CSNK1G1: variants seen among roughly 807,000 people sequenced by gnomAD.
CSNK1G1 encodes the protein casein kinase 1 gamma 1.
CSNK1G1 carries 22 observed loss-of-function variants against 59.6 expected under a neutral mutation model. The ratio of observed to expected loss-of-function variants is 0.37; its 90% CI spans 0.26 to 0.53. The LOEUF (loss-of-function observed/expected upper bound fraction) is 0.53, where lower values mean the gene tolerates loss of function less well. Among genes scored for constraint, CSNK1G1 ranks in the 20% least tolerant of loss-of-function variants. The probability of loss-of-function intolerance (pLI) is 0.89; values close to 1 mark genes in which losing one functional copy is unlikely to be tolerated. For missense variants in CSNK1G1, 384 were observed against 519.5 expected, an observed-to-expected ratio of 0.74 and a Z score of 2.54; for synonymous variants, 179 against 177.1, an observed-to-expected ratio of 1.01 and a Z score of -0.08.
chr15:64,170,875 T>A lies in CSNK1G1; in HGVS notation c.*1056A>T, dbSNP rs2081656139. On this transcript the variant is annotated 3_prime_UTR_variant, in exon 12 of 12. Transcript: ENST00000303052. ...TCTGGAGAGCTAGGTTTTCAAACTGTAAGCTGATTAGGTCAAGATGCTCTG... is the reference window on the plus strand; with the variant it reads ...TCTGGAGAGCTAGGTTTTCAAACTGAAAGCTGATTAGGTCAAGATGCTCTG... The A allele has an allele frequency of 6.6e-6, 1 of 152,600 alleles. No homozygotes were observed. Among genetic ancestry groups the A allele is most frequent in the Non-Finnish European group, 1.5e-5 (1 of 68,020 alleles). 9.5% of individuals were successfully genotyped at this position (152,600 alleles called of 1,614,324 possible).
At chr15:64,244,364 A>G (rs1200929217) in intron 4 of CSNK1G1, among the ~76,000 whole-genome samples, 2 of 143,116 alleles carry the variant, frequency 1.4e-5, no homozygotes, top group Non-Finnish European at 3.0e-5. Flanking sequence ...AAACTGAAAA[A>G]TTAAAAAAAA....
At chr15:64,280,841 T>C (rs1444473539) in intron 2 of CSNK1G1, among the ~76,000 whole-genome samples, 1 of 152,160 alleles carries the variant, frequency 6.6e-6, no homozygotes, top group African/African-American at 2.4e-5. Flanking sequence ...ATATGATATA[T>C]ACATACAATG....
chr15:64,318,002 G>A (rs1896364433), intron 1 of CSNK1G1, among the ~76,000 whole-genome samples: 2 of 152,148 alleles, frequency 1.3e-5, no homozygotes, highest in South Asian at 2.1e-4. Flanking sequence ...AAAGGATTTC[G>A]AGACTGCTGC....
intron 1 of CSNK1G1, among the ~76,000 whole-genome samples, chr15:64,351,828 GAGCCTGGGCACTCC>G (rs1898305622): frequency 6.6e-6 from 1 of 152,148 alleles, no homozygotes; most frequent in African/African-American, 2.4e-5. Context: ...GCAGTAAGCT[GAGCCTGGGCACTCC>G]AGCCTGGGTA....
chr15:64,226,386 C>T (rs1009606376), intron 4 of CSNK1G1, among the ~76,000 whole-genome samples: 9 of 151,944 alleles, frequency 5.9e-5, no homozygotes, highest in African/African-American at 1.7e-4. Context: ...GGAGAAACCC[C>T]GTCTCTACTA....
At chr15:64,237,346 C>A (rs569211395) in intron 4 of CSNK1G1, among the ~76,000 whole-genome samples, 2 of 152,192 alleles carry the variant, frequency 1.3e-5, no homozygotes, top group South Asian at 2.1e-4. Flanking sequence ...GGCAGAGAGA[C>A]CTGAAAAATT....
intron 1 of CSNK1G1, among the ~76,000 whole-genome samples, chr15:64,312,050 G>T (rs1054218653): frequency 6.6e-6 from 1 of 152,102 alleles, no homozygotes; most frequent in African/African-American, 2.4e-5. Context: ...CAACTTATAA[G>T]GGATGTGAAG....
rs894589615 is a variant in CSNK1G1, at chr15:64,300,572, T to C, written c.-73A>G. 4 of 1,478,720 alleles carry C rather than the reference T, an allele frequency of 2.7e-6. No homozygotes were observed. In the African/African-American group the frequency reaches 5.6e-5, roughly 21 times the overall value. 91.6% of individuals were successfully genotyped at this position (1,478,720 alleles called of 1,614,324 possible). A position where few individuals can be genotyped will look rare whatever the true frequency, so the allele number is the denominator to read the frequency against. On this transcript the variant is annotated 5_prime_UTR_variant, in exon 2 of 12. The change creates a new upstream start codon in the 5' untranslated region. Transcript: ENST00000303052. ...TGTATACCTCTCTTCAATACAAAAG[T>C]ATGTCCAAATAAATTGTAGTCAGAG...
chr15:64,259,077 A>G, intron 3 of CSNK1G1, 124 bp downstream of exon 3: 1 of 700,066 alleles, frequency 1.4e-6, no homozygotes, highest in Non-Finnish European at 2.4e-6. Context: ...ATGTGGGATC[A>G]TACACAAAAA....
At chr15:64,215,190 A>C (rs1463510962) in intron 5 of CSNK1G1, among the ~76,000 whole-genome samples, 1 of 150,024 alleles carries the variant, frequency 6.7e-6, no homozygotes, top group Non-Finnish European at 1.5e-5. Flanking sequence ...CTATCTACTA[A>C]GCTTTTCTAC....
chr15:64,218,464 C>T (rs1374816632), intron 4 of CSNK1G1, among the ~76,000 whole-genome samples: 1 of 151,836 alleles, frequency 6.6e-6, no homozygotes, highest in African/African-American at 2.4e-5. Context: ...GCAATCTTGG[C>T]CCACTGTAAC....
intron 1 of CSNK1G1, among the ~76,000 whole-genome samples, chr15:64,325,504 C>T (rs552616328): frequency 1.3e-5 from 2 of 152,126 alleles, no homozygotes; most frequent in South Asian, 4.1e-4. Context: ...AACTCATAGC[C>T]CCAGAATCAC....
At chr15:64,277,866 TTAA>T (rs757166227) in intron 2 of CSNK1G1, among the ~76,000 whole-genome samples, 80 of 141,146 alleles carry the variant, frequency 5.7e-4, no homozygotes, top group East Asian at 2.6e-3. Context: ...ATTGATATAT[TTAA>T]TAATAATATT....
chr15:64,278,299 G>A (rs549153198), intron 2 of CSNK1G1, among the ~76,000 whole-genome samples: 29 of 151,322 alleles, frequency 1.9e-4, no homozygotes, highest in African/African-American at 3.4e-4. Context: ...CACCCGCCTC[G>A]GCCTCCCAAA....
chr15:64,282,330 G>C (rs1342416530), intron 2 of CSNK1G1, among the ~76,000 whole-genome samples: 1 of 151,898 alleles, frequency 6.6e-6, no homozygotes, highest in Non-Finnish European at 1.5e-5. Flanking sequence ...ACAGTGGTAC[G>C]ATCTCAGCTC....
intron 10 of CSNK1G1, among the ~76,000 whole-genome samples, chr15:64,182,933 C>T (rs2081838991): frequency 6.6e-6 from 1 of 152,186 alleles, no homozygotes; most frequent in African/African-American, 2.4e-5. Flanking sequence ...TAATGCTATC[C>T]TGTTAATTTC....
chr15:64,189,318 T>A (rs1336265944), intron 10 of CSNK1G1: 1 of 1,125,516 alleles, frequency 8.9e-7, no homozygotes, highest in African/African-American at 1.6e-5. Context: ...CACCTTAGTA[T>A]CATTCAGGCT....
intron 10 of CSNK1G1, among the ~76,000 whole-genome samples, chr15:64,196,316 T>G (rs2082037960): frequency 2.6e-5 from 4 of 152,228 alleles, no homozygotes; most frequent in African/African-American, 2.4e-5. Context: ...TATTTGGGAT[T>G]TATTATTGTA....
At chr15:64,207,359 C>G in intron 7 of CSNK1G1, 150 bp downstream of exon 7, 2 of 566,448 alleles carry the variant, frequency 3.5e-6, no homozygotes, top group South Asian at 4.3e-5. Flanking sequence ...AATCCTCCCA[C>G]CTCAGCCTCC....
Sources: allele counts gnomAD v4.1 joint callset (sites outside exome capture counted in the v4.1 genomes callset), GRCh38; gene constraint gnomAD v4.1.1; transcripts MANE v1.5; gene names NCBI Gene and HGNC (gene_info 2026-07-23, HGNC 2026-07-21).